PHKA1: variants seen among roughly 807,000 people sequenced by gnomAD.
The protein encoded by PHKA1 is phosphorylase kinase regulatory subunit alpha 1.
Under a neutral mutation model 110.2 loss-of-function variants are expected in PHKA1, and 60 were observed. The ratio of observed to expected loss-of-function variants is 0.54; its 90% confidence interval spans 0.44 to 0.68. The LOEUF (loss-of-function observed/expected upper bound fraction) is 0.68. Among genes scored for constraint, PHKA1 ranks in the 30% least tolerant of loss-of-function variants. PHKA1 has a pLI of 0.00. For synonymous variants in PHKA1, 316 were observed against 333.6 expected, an observed-to-expected ratio of 0.95 and a Z score of 0.58; for missense variants, 801 against 942.5, an observed-to-expected ratio of 0.85 and a Z score of 1.97.
At chrX:72,677,812 G>A (rs1183658941) in intron 5 of PHKA1, among the ~76,000 whole-genome samples, 1 of 110,940 alleles carries the variant, frequency 9.0e-6, no homozygotes, top group Non-Finnish European at 1.9e-5. Context: ...AGCAATTTAG[G>A]AGGCTGAGGT....
At chrX:72,624,872 G>A (rs2053033227) in intron 17 of PHKA1, among the ~76,000 whole-genome samples, 1 of 111,532 alleles carries the variant, frequency 9.0e-6, no homozygotes. Context: ...GAGATGTTCT[G>A]CAAAATAACT....
At chrX:72,586,335 G>A (rs2052429808) in intron 29 of PHKA1, among the ~76,000 whole-genome samples, 4 of 112,573 alleles carry the variant, frequency 3.6e-5, no homozygotes, top group Middle Eastern at 4.6e-3. Flanking sequence ...GCAGCTGAGA[G>A]ACCTGACTGC....
At chrX:72,704,224 C>T (rs1418397389) in intron 3 of PHKA1, among the ~76,000 whole-genome samples, 1 of 111,932 alleles carries the variant, frequency 8.9e-6, no homozygotes, top group East Asian at 2.8e-4. Context: ...GATGCAAATT[C>T]AAGGTTTCTT....
chrX:72,586,212 C>T (rs112520275), intron 29 of PHKA1, among the ~76,000 whole-genome samples: 2,339 of 111,716 alleles, frequency 0.021, 67 homozygotes, highest in African/African-American at 0.07. Flanking sequence ...CCCCCTGAGA[C>T]GAAGCTTCCA....
intron 5 of PHKA1, among the ~76,000 whole-genome samples, chrX:72,681,398 G>C (rs1191248969): frequency 2.6e-5 from 3 of 113,606 alleles, no homozygotes; most frequent in African/African-American, 9.5e-5. Flanking sequence ...GGAGGTGGGG[G>C]GGGGTCAGCC....
intron 5 of PHKA1, among the ~76,000 whole-genome samples, chrX:72,677,986 T>C (rs1556312575): frequency 1.8e-5 from 2 of 111,321 alleles, no homozygotes; most frequent in African/African-American, 6.5e-5. Context: ...AGGTTGAAGC[T>C]GAAGTAAGCC....
chrX:72,658,762 A>C (rs1287812037), intron 8 of PHKA1, among the ~76,000 whole-genome samples: 3 of 112,232 alleles, frequency 2.7e-5, no homozygotes, highest in African/African-American at 3.2e-5. Context: ...GAAGGATACC[A>C]CAGAAGTGAT....
At chrX:72,602,769 T>C (rs891098643) in intron 26 of PHKA1, among the ~76,000 whole-genome samples, 2 of 112,100 alleles carry the variant, frequency 1.8e-5, no homozygotes, top group Non-Finnish European at 3.8e-5. Flanking sequence ...ATACACATAA[T>C]ACAATACTGT....
chrX:72,587,941 T>C (rs1445652741), intron 29 of PHKA1, among the ~76,000 whole-genome samples: 1 of 111,581 alleles, frequency 9.0e-6, no homozygotes, highest in African/African-American at 3.3e-5. Flanking sequence ...AGCAAGTCCT[T>C]AGAGACCTAG....
chrX:72,593,403 G>T (rs782754076), intron 28 of PHKA1, 129 bp from the exon 29 acceptor site: 1 of 493,632 alleles, frequency 2.0e-6, no homozygotes, highest in Non-Finnish European at 3.5e-6. Context: ...GTGGCGTGGC[G>T]CAATCTCGGC....
chrX:72,582,388 G>A lies in PHKA1; in HGVS notation c.3498+10C>T. ...CATTTCTCTATTGAGAAAACAACAG[G>A]TTTGCCTACCTGTTCTTGAAGGAAC... On this transcript the variant is annotated intron_variant, in intron 31 of 31. Transcript: ENST00000373542. 8.6e-7 allele frequency: 1 copy of A among 1,162,091 alleles called. No individual in the cohort carries two copies. Among genetic ancestry groups the A allele is most frequent in the African/African-American group, 1.8e-5 (1 of 56,878 alleles).
rs1556290978 is a variant in PHKA1 at position 72,635,270 on chromosome X, A to G, written c.1599T>C (p.Ala533=). ...QFIDQQQFYL[A]LDNKMIVEML... is the part of the protein sequence containing the mutation. ...TTTCCACTATCATCTTGTTGTCCAG[A>G]GCCAGGTAGAACTGTTGCTGGTCTA... is the stretch of plus-strand genomic sequence containing the variant. Residue 533 remains alanine, a synonymous_variant, in exon 16 of 32, where the codon GCT becomes GCC. Coordinates refer to ENST00000373542, the MANE Select transcript of PHKA1 (RefSeq NM_002637.4). 2.5e-6 allele frequency: 3 copies of G among 1,209,872 alleles called. No homozygotes were observed. Among genetic ancestry groups the G allele is most frequent in the Non-Finnish European group, 3.4e-6 (3 of 893,903 alleles).
chrX:72,706,976 G>C (rs1195196594), intron 2 of PHKA1, among the ~76,000 whole-genome samples: 3 of 111,508 alleles, frequency 2.7e-5, no homozygotes, highest in African/African-American at 9.8e-5. Context: ...TCTGTACTCT[G>C]TGTTCCCCAA....
intron 9 of PHKA1, among the ~76,000 whole-genome samples, chrX:72,657,377 C>G (rs1163512030): frequency 8.9e-6 from 1 of 112,303 alleles, no homozygotes; most frequent in Non-Finnish European, 1.9e-5. Flanking sequence ...AAGGACTACA[C>G]CTTCCTCTAT....
chrX:72,599,009 T>C (rs2052625481), intron 28 of PHKA1, among the ~76,000 whole-genome samples: 1 of 110,760 alleles, frequency 9.0e-6, no homozygotes, highest in Non-Finnish European at 1.9e-5. Context: ...GGCTGTTGAT[T>C]GTGAGGTCAA....
At chrX:72,684,413 A>G (rs2053945239) in intron 5 of PHKA1, 85 bp downstream of exon 5, 1 of 619,817 alleles carries the variant, frequency 1.6e-6, no homozygotes, top group South Asian at 2.4e-5. Flanking sequence ...TATGAGCAGT[A>G]GCATTAAGAA....
intron 4 of PHKA1, 88 bp downstream of exon 4, chrX:72,695,620 C>G (rs1372197817): frequency 3.2e-6 from 3 of 932,059 alleles, no homozygotes; most frequent in Admixed American, 4.8e-5. Flanking sequence ...TCTACCCCAG[C>G]CTTCCCGGTT....
chrX:72,658,935 C>G (rs1556302854), intron 8 of PHKA1, among the ~76,000 whole-genome samples: 1 of 112,085 alleles, frequency 8.9e-6, no homozygotes, highest in African/African-American at 3.2e-5. Context: ...TACTGTGAGA[C>G]TATTCGAACA....
chrX:72,673,514 C>T (rs1194107220), intron 6 of PHKA1, among the ~76,000 whole-genome samples: 1 of 110,075 alleles, frequency 9.1e-6, no homozygotes, highest in African/African-American at 3.3e-5. Context: ...TGATAATATC[C>T]AGGTAGTGAG....
Sources: gnomAD v4.1 joint callset for allele counts (sites outside exome capture counted in the v4.1 genomes callset) on GRCh38, gnomAD v4.1.1 for gene constraint, MANE v1.5 for transcripts, NCBI Gene and HGNC (gene_info 2026-07-23, HGNC 2026-07-21) for gene names.